GSS: variants seen among roughly 807,000 people sequenced by gnomAD.
GSS encodes GSH synthetase.
In GSS, 34 loss-of-function variants were observed where a neutral mutation model predicts 60.4. That is an observed-to-expected ratio of 0.56 (90% CI 0.43 to 0.75). GSS has a LOEUF of 0.75. Among genes scored for constraint, GSS ranks in the 30% least tolerant of loss-of-function variants. The pLI is 0.00. For synonymous variants in GSS, 224 were observed against 239.0 expected (o/e 0.94, Z 0.58); for missense variants, 499 against 595.1 (o/e 0.84, Z 1.68).
chr20:34,944,274 G>A (rs781295005), intron 3 of GSS, among the ~76,000 whole-genome samples: 3 of 152,208 alleles, frequency 2.0e-5, no homozygotes, highest in Non-Finnish European at 4.4e-5. Context: ...GAACAGAGAA[G>A]GCAGGGGTTG....
At chr20:34,937,137 C>G (rs2081447644) in intron 6 of GSS, 114 bp from the exon 7 acceptor site, 1 of 746,284 alleles carries the variant, frequency 1.3e-6, no homozygotes, top group East Asian at 2.7e-5. Flanking sequence ...AACACCGCTT[C>G]CCTGAAAGAA....
chr20:34,928,602 A>G lies in GSS; in HGVS notation c.*226T>C. 1.7e-6 allele frequency: 1 copy of G among 603,324 alleles called. No homozygotes were observed. The highest frequency in any genetic ancestry group is 3.0e-6 in the Non-Finnish European group (1 of 335,872). 37.4% of individuals were successfully genotyped at this position (603,324 alleles called of 1,614,324 possible). A position where few individuals can be genotyped will look rare whatever the true frequency, so the allele number is the denominator to read the frequency against. On this transcript the variant is annotated 3_prime_UTR_variant, in exon 13 of 13. Transcript: ENST00000651619. ...CAGGGTTCATGGACCTTTACCTCAGAGCAGCTTACCCTGAGCTATACCCAC... is the reference window on the plus strand; with the variant it reads ...CAGGGTTCATGGACCTTTACCTCAGGGCAGCTTACCCTGAGCTATACCCAC...
At chr20:34,931,155 T>A (rs2081397871) in intron 11 of GSS, among the ~76,000 whole-genome samples, 181 bp downstream of exon 11, 1 of 152,206 alleles carries the variant, frequency 6.6e-6, no homozygotes, top group Non-Finnish European at 1.5e-5. Context: ...TTAATCAGAT[T>A]CCCCTGTGCT....
At chr20:34,949,304 A>G (rs916797238) in intron 2 of GSS, 1 of 152,220 alleles carries the variant, frequency 6.6e-6, no homozygotes, top group Non-Finnish European at 1.5e-5. Flanking sequence ...TCTACAGGAT[A>G]AAGTTCATAC....
In GSS at chr20:34,928,886, T is replaced by C; in HGVS notation, c.1367A>G (p.His456Arg). 1 of 1,614,008 alleles carries C rather than the reference T, an allele frequency of 6.2e-7. No individual in the cohort carries two copies. The highest frequency in any genetic ancestry group is 8.5e-7 in the Non-Finnish European group (1 of 1,179,972). The change falls in exon 13 of 13, where the codon CAT becomes CGT. Residue 456 changes from histidine to arginine, a missense_variant. By Grantham distance (29) the His-to-Arg change is conservative. Transcript: ENST00000651619. Reference protein sequence around the residue: ...GHLLRTKAIEHADGGVAAGVA... With the variant: ...GHLLRTKAIERADGGVAAGVA... ...TCCCGCTGCCACACCACCATCTGCA[T>C]GCTCGATGGCTTTGGTTCGAAGTAG...
At chr20:34,941,491 T>G (rs946909043) in intron 6 of GSS, among the ~76,000 whole-genome samples, 1 of 152,182 alleles carries the variant, frequency 6.6e-6, no homozygotes, top group Non-Finnish European at 1.5e-5. Flanking sequence ...TTGTTGACAG[T>G]CATAATGATG....
At position 34,928,662 on chromosome 20, in the gene GSS, A is replaced by G. The variant is rs899247519; in HGVS notation, c.*166T>C. 12 of 757,850 alleles carry G rather than the reference A, an allele frequency of 1.6e-5. No individual in the cohort carries two copies. Among genetic ancestry groups the G allele is most frequent in the African/African-American group, 1.5e-4 (9 of 58,120 alleles). 46.9% of individuals were successfully genotyped at this position (757,850 alleles called of 1,614,324 possible). A position where few individuals can be genotyped will look rare whatever the true frequency, so the allele number is the denominator to read the frequency against. ...ATTTGGGGGCGTCTAGATCTCATCTAAGGGAGACACAACTTTTCTGGTCCT... is the reference window on the plus strand; with the variant it reads ...ATTTGGGGGCGTCTAGATCTCATCTGAGGGAGACACAACTTTTCTGGTCCT... On this transcript the variant is annotated 3_prime_UTR_variant, in exon 13 of 13. Transcript: ENST00000651619.
At chr20:34,951,914 C>T in intron 1 of GSS, 54 bp from the exon 2 acceptor site, 1 of 1,602,588 alleles carries the variant, frequency 6.2e-7, no homozygotes, top group Non-Finnish European at 8.5e-7. Context: ...AGCCCAGCAA[C>T]CACCGAAACT....
chr20:34,928,743 G>T lies in GSS; in HGVS notation c.*85C>A. 1 of 1,484,226 alleles carries T rather than the reference G, an allele frequency of 6.7e-7. No homozygotes were observed. The highest frequency in any genetic ancestry group is 9.4e-7 in the Non-Finnish European group (1 of 1,065,688). The allele number at this position is 1,484,226 out of a possible 1,614,324, so 91.9% of individuals were successfully genotyped here. On this transcript the variant is annotated 3_prime_UTR_variant, in exon 13 of 13. Transcript: ENST00000651619. ...TTTACCCTTCCATAAAAACTTTGGA[G>T]GTCTTTAGGAGGATACCCCTCAGGA...
At chr20:34,947,007 C>T (rs1423615307) in intron 2 of GSS, among the ~76,000 whole-genome samples, 2 of 152,080 alleles carry the variant, frequency 1.3e-5, no homozygotes, top group Non-Finnish European at 2.9e-5. Flanking sequence ...CTGAGTTTAA[C>T]CTTTGAGTTA....
chr20:34,936,719 A>G, intron 8 of GSS, 44 bp downstream of exon 8: 2 of 1,279,834 alleles, frequency 1.6e-6, no homozygotes, highest in Non-Finnish European at 2.3e-6. Context: ...TGGCAGGATG[A>G]GTTTCATAAA....
chr20:34,928,586 T>G lies in GSS; in HGVS notation c.*242A>C. The stretch of plus-strand genomic sequence containing the variant: ...GCTGACAGGAGTGGGGCAGGGTTCA[T>G]GGACCTTTACCTCAGAGCAGCTTAC... On this transcript the variant is annotated 3_prime_UTR_variant, in exon 13 of 13. Transcript: ENST00000651619. 1 of 581,878 alleles carries G rather than the reference T, an allele frequency of 1.7e-6. No homozygotes were observed. Among genetic ancestry groups the G allele is most frequent in the South Asian group, 2.0e-5 (1 of 51,222 alleles). The allele number at this position is 581,878 out of a possible 1,614,324, so 36.0% of individuals were successfully genotyped here. A position where few individuals can be genotyped will look rare whatever the true frequency, so the allele number is the denominator to read the frequency against.
chr20:34,949,006 A>G (rs1006833377), intron 2 of GSS, among the ~76,000 whole-genome samples: 4 of 151,976 alleles, frequency 2.6e-5, no homozygotes, highest in African/African-American at 9.7e-5. Context: ...TTTTCAAGAC[A>G]AGTTGGGTTG....
intron 9 of GSS, among the ~76,000 whole-genome samples, chr20:34,933,330 C>G (rs1001651369): frequency 6.6e-6 from 1 of 152,050 alleles, no homozygotes; most frequent in Non-Finnish European, 1.5e-5. Flanking sequence ...GAGTGGGGTT[C>G]TGAAGGACAG....
At chr20:34,929,710 G>A (rs922023445) in intron 11 of GSS, 120 bp from the exon 12 acceptor site, 5 of 856,088 alleles carry the variant, frequency 5.8e-6, no homozygotes, top group Middle Eastern at 3.2e-4. Flanking sequence ...GCTCAGTGAA[G>A]CCAGGGCATA....
At chr20:34,935,743 A>G in intron 8 of GSS, 101 bp from the exon 9 acceptor site, 1 of 897,992 alleles carries the variant, frequency 1.1e-6, no homozygotes, top group Non-Finnish European at 1.8e-6. Flanking sequence ...TGGCTTTTTC[A>G]AAATTCAGCC....
At position 34,940,329 on chromosome 20, in the gene GSS, C is replaced by T. The variant is rs143531310; in HGVS notation, c.608+1384G>A. On this transcript the variant is annotated intron_variant, in intron 6 of 12. Coordinates refer to ENST00000651619, the MANE Select transcript of GSS (RefSeq NM_000178.4). ...GTCTGTCAGCAGTTCCCCAGCTGACCCATCCCCTGGCTTCACTCTCTTAAA... is the reference window on the plus strand; with the variant it reads ...GTCTGTCAGCAGTTCCCCAGCTGACTCATCCCCTGGCTTCACTCTCTTAAA... Among the ~76,000 whole-genome samples, 191 of 152,300 alleles carry T rather than the reference C, an allele frequency of 1.3e-3. 1 individual carries two copies. The highest frequency in any genetic ancestry group is 3.4e-3 in the Middle Eastern group (1 of 294).
intron 6 of GSS, 67 bp from the exon 7 acceptor site, chr20:34,937,090 A>G: frequency 9.5e-7 from 1 of 1,054,120 alleles, no homozygotes; most frequent in Non-Finnish European, 1.5e-6. Context: ...TCTCCCCTCA[A>G]CCCCCATACC....
chr20:34,942,783 A>C, intron 4 of GSS, 148 bp downstream of exon 4: 1 of 959,176 alleles, frequency 1.0e-6, no homozygotes, highest in Non-Finnish European at 1.7e-6. Flanking sequence ...TCATCCTAGA[A>C]TTGGTCACTG....
Sources: gnomAD v4.1 joint callset for allele counts (sites outside exome capture counted in the v4.1 genomes callset) on GRCh38, gnomAD v4.1.1 for gene constraint, MANE v1.5 for transcripts, NCBI Gene and HGNC (gene_info 2026-07-23, HGNC 2026-07-21) for gene names.